Variants in CNTNAP3B observed in about 807,000 individuals in gnomAD.
CNTNAP3B encodes contactin-associated protein-like 3B.
A neutral mutation model predicts 108.9 loss-of-function variants in CNTNAP3B; 25 were observed. The ratio of observed to expected loss-of-function variants is 0.23; its 90% CI spans 0.17 to 0.32. CNTNAP3B has a LOEUF of 0.32. CNTNAP3B is among the 10% of genes least tolerant of loss of function. CNTNAP3B has a pLI of 1.00. For synonymous variants in CNTNAP3B, 103 were observed against 473.4 expected, an observed-to-expected ratio of 0.22 and a Z score of 10.16; for missense variants, 252 against 1,210.4, an observed-to-expected ratio of 0.21 and a Z score of 11.75.
At chr9:41,931,518 A>G (rs1167643458) in intron 14 of CNTNAP3B, among the ~76,000 whole-genome samples, 24 of 152,356 alleles carry the variant, frequency 1.6e-4, no homozygotes, top group African/African-American at 5.1e-4. Context: ...AAATGGCTAT[A>G]TTATTTAAGA....
chr9:42,010,475 C>T lies in CNTNAP3B; in HGVS notation c.538+2903G>A, dbSNP rs1031978740. 1.4e-4 allele frequency among the ~76,000 whole-genome samples: 20 copies of T among 139,360 alleles called. 2 individuals are homozygous for T. Among genetic ancestry groups the T allele is most frequent in the African/African-American group, 5.7e-4 (20 of 35,114 alleles). The allele number at this position is 139,360 out of a possible 152,430, so 91.4% of individuals were successfully genotyped here. ...CGTCAAGGACTTATAGGGTTCTGGC[C>T]TAAGATTCTGGGAGTTCCCCTTTGT... On this transcript the variant is annotated intron_variant, in intron 4 of 23. Transcript: ENST00000377561.
At chr9:41,972,907 G>C (rs1825446971) in intron 9 of CNTNAP3B, among the ~76,000 whole-genome samples, 1 of 126,534 alleles carries the variant, frequency 7.9e-6, no homozygotes, top group South Asian at 2.8e-4. Flanking sequence ...TTCACCATGT[G>C]GTGTTTCCTG....
intron 15 of CNTNAP3B, among the ~76,000 whole-genome samples, chr9:41,924,570 C>T (rs1381001433): frequency 0.014 from 2,116 of 150,610 alleles, 12 homozygotes; most frequent in African/African-American, 0.05. Context: ...TATTAGGCAT[C>T]CAAGTGGAGA....
In CNTNAP3B at chr9:41,918,504, G is replaced by T. The variant is rs375980454; in HGVS notation, c.2995+1566C>A. Among the ~76,000 whole-genome samples the T allele has an allele frequency of 2.8e-5, 4 of 145,060 alleles. 1 individual carries two copies. Among genetic ancestry groups the T allele is most frequent in the African/African-American group, 1.1e-4 (4 of 37,826 alleles). On this transcript the variant is annotated intron_variant, in intron 18 of 23. Transcript: ENST00000377561. ...ATATATCTGTAAATAAAAAGAAAATGTTGGGTGATGATCACTGTCTTGGAA... is the reference window on the plus strand; with the variant it reads ...ATATATCTGTAAATAAAAAGAAAATTTTGGGTGATGATCACTGTCTTGGAA...
intron 12 of CNTNAP3B, among the ~76,000 whole-genome samples, chr9:41,954,978 G>T (rs1435303673): frequency 6.6e-6 from 1 of 151,616 alleles, no homozygotes; most frequent in Non-Finnish European, 1.5e-5. Flanking sequence ...GAGCCACCAC[G>T]CCTGGCCTCA....
chr9:41,950,484 C>G (rs1312974643), intron 13 of CNTNAP3B, among the ~76,000 whole-genome samples: 1 of 117,810 alleles, frequency 8.5e-6, no homozygotes, highest in Non-Finnish European at 1.8e-5. Context: ...AAACAAACAA[C>G]CCAGATGCCC....
intron 1 of CNTNAP3B, among the ~76,000 whole-genome samples, chr9:42,127,802 G>A (rs1421110672): frequency 7.2e-6 from 1 of 139,362 alleles, no homozygotes; most frequent in African/African-American, 2.9e-5. Context: ...GTGAGTGCAT[G>A]AACCCATGTG....
chr9:42,066,423 C>CTTTT (rs1158361481), intron 3 of CNTNAP3B, among the ~76,000 whole-genome samples: 6 of 53,140 alleles, frequency 1.1e-4, no homozygotes, highest in African/African-American at 2.6e-4. Flanking sequence ...GCTGTTGAAT[C>CTTTT]TTTTTTTTTT....
intron 3 of CNTNAP3B, among the ~76,000 whole-genome samples, chr9:42,051,319 G>A (rs1236584923): frequency 4.1e-5 from 3 of 73,288 alleles, no homozygotes; most frequent in Non-Finnish European, 7.9e-5. Flanking sequence ...AAAAGATTTG[G>A]GAAGGATAAG....
At chr9:42,078,757 T>C (rs1044080372) in intron 2 of CNTNAP3B, among the ~76,000 whole-genome samples, 2 of 145,894 alleles carry the variant, frequency 1.4e-5, no homozygotes, top group African/African-American at 5.4e-5. Context: ...TTGGATGATT[T>C]ACAGCAATAT....
chr9:41,947,836 A>C (rs1824569500), intron 13 of CNTNAP3B, among the ~76,000 whole-genome samples: 1 of 152,270 alleles, frequency 6.6e-6, no homozygotes. Flanking sequence ...ATTTAAGTGG[A>C]TATCACTACA....
rs67012140 is a variant in CNTNAP3B at position 42,107,974 on chromosome 9, TAA to T, written c.86-3237_86-3236del. ...TGGGCGACAGAGAAAGACTCCGTCT[TAA>T]AAAAAAAAAAAAGAAAGAAAGAAAG... On this transcript the variant is annotated intron_variant, in intron 1 of 23. Coordinates refer to ENST00000377561, the MANE Select transcript of CNTNAP3B (RefSeq NM_001201380.3). Among the ~76,000 whole-genome samples the T allele has an allele frequency of 3.6e-3, 393 of 109,960 alleles. 32 individuals are homozygous for T. The highest frequency in any genetic ancestry group is 0.012 in the African/African-American group (318 of 26,258). 72.1% of individuals were successfully genotyped at this position (109,960 alleles called of 152,430 possible). A position where few individuals can be genotyped will look rare whatever the true frequency, so the allele number is the denominator to read the frequency against.
intron 11 of CNTNAP3B, among the ~76,000 whole-genome samples, chr9:41,961,538 G>C (rs1445384407): frequency 6.6e-6 from 1 of 152,298 alleles, no homozygotes; most frequent in African/African-American, 2.4e-5. Context: ...AAATAATCTG[G>C]TATTTTCCCA....
rs1473874483 is a variant in CNTNAP3B, at chr9:41,972,633, G to A, written c.1478-2388C>T. Among the ~76,000 whole-genome samples the A allele has an allele frequency of 4.4e-5, 6 of 137,044 alleles. 1 individual carries two copies. The highest frequency in any genetic ancestry group is 2.2e-4 in the Admixed American group (3 of 13,650). 89.9% of individuals were successfully genotyped at this position (137,044 alleles called of 152,430 possible). On this transcript the variant is annotated intron_variant, in intron 9 of 23. Coordinates refer to ENST00000377561, the MANE Select transcript of CNTNAP3B (RefSeq NM_001201380.3). ...ACTATACATAACCTCACAGACACTT[G>A]GAAGTTTAACATTTAACACCATATT...
chr9:41,977,825 G>C (rs1489581971), intron 9 of CNTNAP3B, among the ~76,000 whole-genome samples: 1 of 135,962 alleles, frequency 7.4e-6, no homozygotes, highest in Non-Finnish European at 1.6e-5. Flanking sequence ...TAGAGACGGG[G>C]TTTCACCGTG....
At chr9:42,113,719 C>T (rs562669710) in intron 1 of CNTNAP3B, among the ~76,000 whole-genome samples, 1 of 139,216 alleles carries the variant, frequency 7.2e-6, no homozygotes, top group Admixed American at 7.1e-5. Flanking sequence ...TGAATAACAC[C>T]TAGTATTTGA....
chr9:41,928,002 A>G (rs1260639453), intron 15 of CNTNAP3B, among the ~76,000 whole-genome samples: 27 of 150,382 alleles, frequency 1.8e-4, no homozygotes, highest in Non-Finnish European at 3.2e-4. Flanking sequence ...TTCTTAAAAG[A>G]GAACAGAATA....
intron 14 of CNTNAP3B, among the ~76,000 whole-genome samples, chr9:41,937,017 A>C (rs1364999721): frequency 3.3e-5 from 5 of 152,062 alleles, no homozygotes; most frequent in Admixed American, 1.3e-4. Flanking sequence ...CAAACAACTC[A>C]ATTTTTAGGA....
rs565899093 is a variant in CNTNAP3B, at chr9:41,955,663, A to T, written c.1877-2277T>A. Reference sequence around the variant, plus strand: ...TGGACCTGAGTAGATTAATTATAACAGTGGCTAAATGTGGAAAGGGGTTCA... The same window carrying T: ...TGGACCTGAGTAGATTAATTATAACTGTGGCTAAATGTGGAAAGGGGTTCA... On this transcript the variant is annotated intron_variant, in intron 12 of 23. Transcript: ENST00000377561. 3.3e-5 allele frequency among the ~76,000 whole-genome samples: 5 copies of T among 152,406 alleles called. No individual in the cohort carries two copies. The South Asian group carries it at 1.0e-3, about 32-fold the overall frequency.
Sources: allele counts gnomAD v4.1 joint callset (sites outside exome capture counted in the v4.1 genomes callset), GRCh38; gene constraint gnomAD v4.1.1; transcripts MANE v1.5; gene names NCBI Gene and HGNC (gene_info 2026-07-23, HGNC 2026-07-21).